The following ATAT1 variants were observed in gnomAD, a reference collection of about 807,000 sequenced individuals.
The protein encoded by ATAT1 is alpha tubulin acetyltransferase 1, also known as alpha-tubulin N-acetyltransferase 1.
A neutral mutation model predicts 57.2 loss-of-function variants in ATAT1; 42 were observed. That is an observed-to-expected ratio of 0.73 (90% CI 0.57 to 0.95). The LOEUF is 0.95. Among genes scored for constraint, ATAT1 ranks in the 40% least tolerant of loss-of-function variants. ATAT1 has a pLI of 0.00. For missense variants in ATAT1, 454 were observed against 523.7 expected, an observed-to-expected ratio of 0.87 and a Z score of 1.30; for synonymous variants, 168 against 187.1, an observed-to-expected ratio of 0.90 and a Z score of 0.83.
intron 12 of ATAT1, 31 bp from the exon 13 acceptor site, chr6:30,646,438 A>G (rs758644778): frequency 6.5e-6 from 10 of 1,532,778 alleles, no homozygotes; most frequent in Admixed American, 6.3e-5. Context: ...TAGTATTCCT[A>G]TAACCCACTC....
intron 6 of ATAT1, among the ~76,000 whole-genome samples, chr6:30,630,839 G>A (rs1253296884): frequency 6.6e-6 from 1 of 152,054 alleles, no homozygotes; most frequent in African/African-American, 2.4e-5. Context: ...TCGGGAGGCT[G>A]AGGCAGGAGA....
chr6:30,640,994 A>T lies in ATAT1; in HGVS notation c.616+391A>T, dbSNP rs111815059. ...ACAAATGGCCCAAAATTTAAATGTT[A>T]CTTTTAGAAGATAACACTCAGAGTT... On this transcript the variant is annotated intron_variant, in intron 8 of 12. Transcript: ENST00000330083. 5.9e-3 allele frequency among the ~76,000 whole-genome samples: 903 copies of T among 152,238 alleles called. 10 individuals carry two copies. The highest frequency in any genetic ancestry group is 0.02 in the African/African-American group (827 of 41,528).
At chr6:30,637,911 G>A (rs1257134460) in intron 6 of ATAT1, among the ~76,000 whole-genome samples, 3 of 152,142 alleles carry the variant, frequency 2.0e-5, no homozygotes, top group Admixed American at 1.3e-4. Context: ...AGGAGGTGGA[G>A]GTTGCAGTGA....
At chr6:30,629,129 G>T (rs1193023219) in intron 6 of ATAT1, among the ~76,000 whole-genome samples, 1 of 151,812 alleles carries the variant, frequency 6.6e-6, no homozygotes, top group African/African-American at 2.4e-5. Flanking sequence ...TGAACTCCTG[G>T]CTCAAGAGAT....
rs1173005329 is a variant in ATAT1 at position 30,640,602 on chromosome 6, T to C, written c.615T>C (p.Ala205=). Reference sequence around the variant, plus strand: ...CTGCTGCAGTCGATCCCACGCCCGCTGGTAAAGCCTGTATTGAAGGGGTGG... The same window carrying C: ...CTGCTGCAGTCGATCCCACGCCCGCCGGTAAAGCCTGTATTGAAGGGGTGG... Residue 205 remains alanine (A), a splice_region_variant and synonymous_variant, in exon 8 of 13, where the codon GCT becomes GCC. Transcript: ENST00000330083. 1 of 1,612,844 alleles carries C rather than the reference T, an allele frequency of 6.2e-7. No homozygotes were observed. Among genetic ancestry groups the C allele is most frequent in the African/African-American group, 1.3e-5 (1 of 75,056 alleles).
At position 30,640,433 on chromosome 6, in the gene ATAT1, G is replaced by C. The variant is rs1302824652; in HGVS notation, c.547+11G>C. On this transcript the variant is annotated intron_variant, in intron 7 of 12. Transcript: ENST00000330083. ...TTGCCCATCAACATCGTAAGTTTTT[G>C]CATTTTGTTGGTCACGTAGTCGGGG... The C allele has an allele frequency of 6.2e-7, 1 of 1,612,942 alleles. No homozygotes were observed. The highest frequency in any genetic ancestry group is 1.7e-5 in the Admixed American group (1 of 60,006).
chr6:30,636,120 T>C (rs1413178253), intron 6 of ATAT1, among the ~76,000 whole-genome samples: 1 of 152,054 alleles, frequency 6.6e-6, no homozygotes, highest in Non-Finnish European at 1.5e-5. Context: ...TTGATAGATG[T>C]GATTACAGAG....
At chr6:30,636,367 AAG>A in intron 6 of ATAT1, among the ~76,000 whole-genome samples, 1 of 152,114 alleles carries the variant, frequency 6.6e-6, no homozygotes, top group African/African-American at 2.4e-5. Context: ...GGCGGATCAC[AAG>A]GTCAGGAGAT....
intron 10 of ATAT1, chr6:30,644,389 A>G: frequency 2.0e-6 from 2 of 985,102 alleles, no homozygotes; most frequent in Non-Finnish European, 2.4e-6. Flanking sequence ...TCGAGATGAG[A>G]TGGGGGACCA....
chr6:30,639,173 G>C (rs185862867), intron 6 of ATAT1, among the ~76,000 whole-genome samples: 1 of 152,024 alleles, frequency 6.6e-6, no homozygotes, highest in Non-Finnish European at 1.5e-5. Flanking sequence ...ATAGACACAG[G>C]GTTTCACCAT....
intron 10 of ATAT1, 77 bp from the exon 11 acceptor site, chr6:30,645,818 C>T (rs1410054269): frequency 2.8e-6 from 3 of 1,054,826 alleles, no homozygotes; most frequent in Non-Finnish European, 4.0e-6. Context: ...CCTTTTACTC[C>T]TCTCCTCTGA....
In ATAT1 at chr6:30,642,833, G is replaced by GCCACCC; in HGVS notation, c.756_757insACCCCC (p.Ala252_His253insThrPro). 1.3e-6 allele frequency: 2 copies of GCCACCC among 1,537,876 alleles called. No individual in the cohort carries two copies. Among genetic ancestry groups the GCCACCC allele is most frequent in the South Asian group, 1.2e-5 (1 of 86,358 alleles). Reference sequence around the variant, plus strand: ...GGCCCCTCGCCGCGCCACACCTCCAGCCCACCCACCCCCCCGCTCCAGCAG... The same window carrying GCCACCC: ...GGCCCCTCGCCGCGCCACACCTCCAGCCACCCCCCACCCACCCCCCCGCTCCAGCAG... On this transcript the variant is annotated inframe_insertion, in exon 10 of 13. Coordinates refer to ENST00000330083, the MANE Select transcript of ATAT1 (RefSeq NM_001031722.4).
Position 30,627,081 on chromosome 6 carries a change from T to TGATC in ATAT1, c.-121_-118dup. The TGATC allele has an allele frequency of 9.0e-6, 14 of 1,553,362 alleles. No individual in the cohort carries two copies. Among genetic ancestry groups the TGATC allele is most frequent in the Non-Finnish European group, 1.1e-5 (13 of 1,146,112 alleles). ...ACCACGCCCCCTTCTCACTGACTAG[T>TGATC]GATCGCCCCTTTTGATGTCCAGGCC... On this transcript the variant is annotated 5_prime_UTR_variant, in exon 1 of 13. Coordinates refer to ENST00000330083, the MANE Select transcript of ATAT1 (RefSeq NM_001031722.4).
chr6:30,630,830 C>A (rs185270031), intron 6 of ATAT1, among the ~76,000 whole-genome samples: 1 of 151,632 alleles, frequency 6.6e-6, no homozygotes, highest in East Asian at 1.9e-4. Flanking sequence ...CCCAGCTACT[C>A]GGGAGGCTGA....
chr6:30,642,833 G>GGGGCGCCCCCCCCCCC lies in ATAT1; in HGVS notation c.754_755insGGGCGCCCCCCCCCCC (p.Ala252GlyfsTer53). ...GGCCCCTCGCCGCGCCACACCTCCA[G>GGGGCGCCCCCCCCCCC]CCCACCCACCCCCCCGCTCCAGCAG... On this transcript the variant is annotated frameshift_variant, in exon 10 of 13. Coordinates refer to ENST00000330083, the MANE Select transcript of ATAT1 (RefSeq NM_001031722.4). LOFTEE classifies it high-confidence loss of function. 6.5e-7 allele frequency: 1 copy of GGGGCGCCCCCCCCCCC among 1,537,874 alleles called. No individual in the cohort carries two copies. The highest frequency in any genetic ancestry group is 8.7e-7 in the Non-Finnish European group (1 of 1,145,780).
At position 30,642,833 on chromosome 6, in the gene ATAT1, G is replaced by GGACCCCCCCCCCCCCC; in HGVS notation, c.754_755insGACCCCCCCCCCCCCC (p.Ala252GlyfsTer53). The GGACCCCCCCCCCCCCC allele has an allele frequency of 6.5e-7, 1 of 1,537,878 alleles. No individual in the cohort carries two copies. Among genetic ancestry groups the GGACCCCCCCCCCCCCC allele is most frequent in the Non-Finnish European group, 8.7e-7 (1 of 1,145,784 alleles). ...GGCCCCTCGCCGCGCCACACCTCCA[G>GGACCCCCCCCCCCCCC]CCCACCCACCCCCCCGCTCCAGCAG... On this transcript the variant is annotated frameshift_variant, in exon 10 of 13. Coordinates refer to ENST00000330083, the MANE Select transcript of ATAT1 (RefSeq NM_001031722.4). LOFTEE classifies it high-confidence loss of function.
At chr6:30,644,045 C>T (rs1396689655) in intron 10 of ATAT1, 5 of 990,252 alleles carry the variant, frequency 5.0e-6, no homozygotes, top group Admixed American at 1.2e-4. Flanking sequence ...TTTGAGCCTG[C>T]GAATGGCCGC....
At chr6:30,634,255 A>G (rs1041760104) in intron 6 of ATAT1, among the ~76,000 whole-genome samples, 3 of 149,122 alleles carry the variant, frequency 2.0e-5, no homozygotes, top group African/African-American at 7.4e-5. Flanking sequence ...TGTTAGGGTC[A>G]TTTTTTTTTT....
intron 6 of ATAT1, among the ~76,000 whole-genome samples, chr6:30,635,518 G>A (rs574532438): frequency 1.3e-5 from 2 of 152,152 alleles, no homozygotes; most frequent in African/African-American, 4.8e-5. Flanking sequence ...GAATCTGGGA[G>A]GTGGAGGTTG....
Sources: allele counts gnomAD v4.1 joint callset (sites outside exome capture counted in the v4.1 genomes callset), GRCh38; gene constraint gnomAD v4.1.1; transcripts MANE v1.5; gene names NCBI Gene and HGNC (gene_info 2026-07-23, HGNC 2026-07-21).